The following SNX13 variants were observed in gnomAD, a reference collection of about 807,000 sequenced individuals.
The protein encoded by SNX13 is sorting nexin-13.
In SNX13, 45 loss-of-function variants were observed where a neutral mutation model predicts 133.6. The observed-to-expected ratio is 0.34, with a 90% CI of 0.27 to 0.43. The LOEUF (loss-of-function observed/expected upper bound fraction) is 0.43. Among genes scored for constraint, SNX13 ranks in the 20% least tolerant of loss-of-function variants. The pLI is 1.00. For missense variants in SNX13, 1,032 were observed against 1,145.1 expected, an observed-to-expected ratio of 0.90 and a Z score of 1.43; for synonymous variants, 414 against 373.9, an observed-to-expected ratio of 1.11 and a Z score of -1.24.
At chr7:17,835,635 C>T (rs1339258835) in intron 13 of SNX13, among the ~76,000 whole-genome samples, 1 of 151,628 alleles carries the variant, frequency 6.6e-6, no homozygotes, top group Non-Finnish European at 1.5e-5. Flanking sequence ...GTAAATGAGT[C>T]CTAGAGATAA....
At chr7:17,913,713 A>T (rs2691572) in intron 1 of SNX13, among the ~76,000 whole-genome samples, 59,086 of 147,934 alleles carry the variant, frequency 0.4, 12,316 homozygotes, top group South Asian at 0.6. Flanking sequence ...GAAAACAGAA[A>T]TTAAAAATCA....
At chr7:17,883,218 T>C (rs953843864) in intron 5 of SNX13, among the ~76,000 whole-genome samples, 1 of 152,158 alleles carries the variant, frequency 6.6e-6, no homozygotes, top group Non-Finnish European at 1.5e-5. Flanking sequence ...CTGAAGGACT[T>C]AGATCTCAGA....
intron 3 of SNX13, 144 bp downstream of exon 3, chr7:17,893,188 G>C: frequency 1.9e-6 from 1 of 540,518 alleles, no homozygotes; most frequent in South Asian, 3.0e-5. Context: ...TATTTTCTAA[G>C]TATAATTAGA....
At chr7:17,825,977 T>G in intron 17 of SNX13, 45 bp downstream of exon 17, 1 of 1,295,298 alleles carries the variant, frequency 7.7e-7, no homozygotes, top group Non-Finnish European at 1.1e-6. Flanking sequence ...AGGGATATAA[T>G]AATACATAGT....
intron 17 of SNX13, among the ~76,000 whole-genome samples, chr7:17,822,937 C>G (rs979242752): frequency 6.6e-6 from 1 of 152,142 alleles, no homozygotes; most frequent in Non-Finnish European, 1.5e-5. Flanking sequence ...GATACCATTT[C>G]CAGTCATGAT....
intron 12 of SNX13, among the ~76,000 whole-genome samples, chr7:17,843,099 T>A (rs1790096976): frequency 6.6e-6 from 1 of 151,864 alleles, no homozygotes. Context: ...AATAATTACT[T>A]TACATGTAAA....
rs572124692 is a variant in SNX13, at chr7:17,791,130, G to A, written c.*2915C>T. 15 of 152,000 alleles carry A rather than the reference G, an allele frequency of 9.9e-5. No individual in the cohort carries two copies. The highest frequency in any genetic ancestry group is 3.6e-4 in the African/African-American group (15 of 41,520). The allele number at this position is 152,000 out of a possible 1,614,324, so 9.4% of individuals were successfully genotyped here. On this transcript the variant is annotated 3_prime_UTR_variant, in exon 26 of 26. Transcript: ENST00000428135. ...AGCAACAACGGAATGTAAGTTGTTG[G>A]ATTAAGAAGACAGTTTAAGCTACAT...
intron 22 of SNX13, among the ~76,000 whole-genome samples, chr7:17,800,854 C>CA (rs1784532272): frequency 6.6e-6 from 1 of 151,042 alleles, no homozygotes; most frequent in Non-Finnish European, 1.5e-5. Flanking sequence ...CGCAAATTCG[C>CA]ATGAAATATA....
At chr7:17,888,700 A>T (rs1796285332) in intron 5 of SNX13, 1 of 470,900 alleles carries the variant, frequency 2.1e-6, no homozygotes, top group Non-Finnish European at 4.4e-6. Flanking sequence ...ACTTTGTTTT[A>T]TTCACTGCTG....
At chr7:17,858,183 T>C (rs1792166707) in intron 9 of SNX13, among the ~76,000 whole-genome samples, 1 of 151,978 alleles carries the variant, frequency 6.6e-6, no homozygotes, top group African/African-American at 2.4e-5. Context: ...CCCAGAGTAA[T>C]TAGGCAAGAG....
intron 9 of SNX13, among the ~76,000 whole-genome samples, chr7:17,863,900 T>G (rs919364135): frequency 6.6e-6 from 1 of 152,186 alleles, no homozygotes; most frequent in Non-Finnish European, 1.5e-5. Flanking sequence ...AATTCTCCTT[T>G]ATCTTACTGA....
chr7:17,888,869 A>C (rs1401152357), intron 5 of SNX13: 1 of 356,670 alleles, frequency 2.8e-6, no homozygotes, highest in East Asian at 8.8e-5. Context: ...GTTTAAAGAC[A>C]CTTGCTCACA....
intron 2 of SNX13, among the ~76,000 whole-genome samples, chr7:17,896,251 A>G (rs925065813): frequency 6.6e-6 from 1 of 152,212 alleles, no homozygotes; most frequent in African/African-American, 2.4e-5. Context: ...TAAATGTTTC[A>G]GTACACAGTA....
chr7:17,902,700 C>G (rs965234194), intron 1 of SNX13, among the ~76,000 whole-genome samples: 4 of 152,118 alleles, frequency 2.6e-5, no homozygotes, highest in Non-Finnish European at 5.9e-5. Context: ...ACAGACAAAT[C>G]TATATGACAG....
chr7:17,845,591 C>G lies in SNX13; in HGVS notation c.1165+4G>C, dbSNP rs773289776. On this transcript the variant is annotated splice_donor_region_variant and intron_variant, in intron 12 of 25. Transcript: ENST00000428135. Reference sequence around the variant, plus strand: ...TATCATTTAAATAGAATTGATCTACCTACCCATAAAAAATTGTAGTGCAAC... The same window carrying G: ...TATCATTTAAATAGAATTGATCTACGTACCCATAAAAAATTGTAGTGCAAC... 6.4e-7 allele frequency: 1 copy of G among 1,560,082 alleles called. No individual in the cohort carries two copies.
At chr7:17,878,558 T>G (rs1395218419) in intron 5 of SNX13, among the ~76,000 whole-genome samples, 1 of 152,192 alleles carries the variant, frequency 6.6e-6, no homozygotes, top group East Asian at 1.9e-4. Context: ...TGCCTTCATC[T>G]CTGTCTCTAA....
intron 1 of SNX13, among the ~76,000 whole-genome samples, chr7:17,905,681 G>A (rs1317614595): frequency 6.6e-6 from 1 of 152,164 alleles, no homozygotes; most frequent in East Asian, 1.9e-4. Flanking sequence ...CACAAATGTT[G>A]AGGCTGCTCA....
At chr7:17,819,155 A>G (rs572418998) in intron 18 of SNX13, among the ~76,000 whole-genome samples, 4 of 152,326 alleles carry the variant, frequency 2.6e-5, no homozygotes, top group Non-Finnish European at 4.4e-5. Context: ...TTATTTTCTT[A>G]TAAGTCTCCA....
chr7:17,871,219 A>C (rs200307473), intron 8 of SNX13, among the ~76,000 whole-genome samples: 1 of 152,022 alleles, frequency 6.6e-6, no homozygotes, highest in Non-Finnish European at 1.5e-5. Context: ...GTTAGCCAGG[A>C]TGGTCTCGAT....
Sources: allele counts gnomAD v4.1 joint callset (sites outside exome capture counted in the v4.1 genomes callset), GRCh38; gene constraint gnomAD v4.1.1; transcripts MANE v1.5; gene names NCBI Gene and HGNC (gene_info 2026-07-23, HGNC 2026-07-21).